Variants in CRACR2A observed in about 807,000 individuals in gnomAD.
CRACR2A encodes calcium release activated channel regulator 2A.
In CRACR2A, 79 loss-of-function variants were observed where a neutral mutation model predicts 90.5. That is an observed-to-expected ratio of 0.87 (90% CI 0.73 to 1.05). The LOEUF (loss-of-function observed/expected upper bound fraction) is 1.05. Among genes scored for constraint, CRACR2A ranks in the 50% least tolerant of loss-of-function variants. The pLI is 0.00. For synonymous variants in CRACR2A, 338 were observed against 356.7 expected (o/e 0.95, Z 0.59); for missense variants, 823 against 897.2 (o/e 0.92, Z 1.06).
intron 1 of CRACR2A, among the ~76,000 whole-genome samples, chr12:3,745,688 C>T (rs546907972): frequency 4.6e-5 from 7 of 151,650 alleles, no homozygotes; most frequent in East Asian, 3.9e-4. Context: ...GCAGGAGAAT[C>T]GCTTGAACCC....
At chr12:3,698,121 T>C (rs1013734322) in intron 3 of CRACR2A, among the ~76,000 whole-genome samples, 1 of 152,228 alleles carries the variant, frequency 6.6e-6, no homozygotes, top group Non-Finnish European at 1.5e-5. Context: ...TTATGAATTA[T>C]AAATGTTATT....
intron 14 of CRACR2A, among the ~76,000 whole-genome samples, chr12:3,634,868 A>T (rs1296542965): frequency 1.3e-5 from 2 of 152,202 alleles, no homozygotes; most frequent in Admixed American, 6.5e-5. Flanking sequence ...TTAAAAAAAA[A>T]ATAACAACCA....
rs377599532 is a variant in CRACR2A at position 3,657,813 on chromosome 12, G to A, written c.763-1407C>T. Among the ~76,000 whole-genome samples, 96 of 152,264 alleles carry A rather than the reference G, an allele frequency of 6.3e-4. 3 individuals carry two copies. The highest frequency in any genetic ancestry group is 9.7e-4 in the East Asian group (5 of 5,166). On this transcript the variant is annotated intron_variant, in intron 8 of 19. Coordinates refer to ENST00000440314, the MANE Select transcript of CRACR2A (RefSeq NM_001144958.2). ...GGCCTACAGAGCATCCTCACAATGCGCCAGGACAGGGCGTTCAGGGGGTGT... is the reference window on the plus strand; with the variant it reads ...GGCCTACAGAGCATCCTCACAATGCACCAGGACAGGGCGTTCAGGGGGTGT...
At chr12:3,650,134 C>T (rs375352568) in intron 10 of CRACR2A, among the ~76,000 whole-genome samples, 3 of 152,160 alleles carry the variant, frequency 2.0e-5, no homozygotes, top group Admixed American at 1.3e-4. Context: ...TTGATACAGG[C>T]GTCACTTTCC....
At chr12:3,653,239 C>T (rs1204772490) in intron 10 of CRACR2A, among the ~76,000 whole-genome samples, 1 of 152,138 alleles carries the variant, frequency 6.6e-6, no homozygotes. Flanking sequence ...CCTTGGCCTC[C>T]CAAAGTGCTG....
intron 11 of CRACR2A, chr12:3,648,154 C>T: frequency 9.5e-7 from 1 of 1,052,816 alleles, no homozygotes; most frequent in African/African-American, 1.7e-5. Context: ...CAGTAAATTC[C>T]TGTGAATGAA....
chr12:3,622,900 C>T (rs540420075), intron 17 of CRACR2A, among the ~76,000 whole-genome samples: 7 of 152,002 alleles, frequency 4.6e-5, no homozygotes, highest in South Asian at 2.1e-4. Flanking sequence ...CAACTTGGAA[C>T]GTGGAGAAAA....
chr12:3,678,670 GAGA>G (rs2137605774), intron 6 of CRACR2A, among the ~76,000 whole-genome samples: 1 of 152,142 alleles, frequency 6.6e-6, no homozygotes, highest in African/African-American at 2.4e-5. Flanking sequence ...GGGGGTGGGA[GAGA>G]AGGAGAATAG....
Position 3,697,017 on chromosome 12 carries a change from T to C in CRACR2A, c.-18A>G. On this transcript the variant is annotated 5_prime_UTR_variant, in exon 4 of 20. Transcript: ENST00000440314. Reference sequence around the variant, plus strand: ...GCAGCCATCGCGATTAGTCAGTTTCTTGAAGTCTTTTTCAGAACCTGAACA... The same window carrying C: ...GCAGCCATCGCGATTAGTCAGTTTCCTGAAGTCTTTTTCAGAACCTGAACA... 2 of 1,589,824 alleles carry C rather than the reference T, an allele frequency of 1.3e-6. No homozygotes were observed. Among genetic ancestry groups the C allele is most frequent in the Non-Finnish European group, 8.6e-7 (1 of 1,166,644 alleles).
rs1331610581 is a variant in CRACR2A at position 3,622,289 on chromosome 12, C to T, written c.1933-2917G>A. On this transcript the variant is annotated intron_variant, in intron 17 of 19. Coordinates refer to ENST00000440314, the MANE Select transcript of CRACR2A (RefSeq NM_001144958.2). The stretch of plus-strand genomic sequence containing the variant: ...GGTTGGAGTGAAGTCATCTTAGCTC[C>T]TTCATCAGGCACACAATCTCTCTTT... Among the ~76,000 whole-genome samples, 6 of 152,294 alleles carry T rather than the reference C, an allele frequency of 3.9e-5. No individual in the cohort carries two copies. In the East Asian group the frequency reaches 7.7e-4, roughly 20 times the overall value.
At chr12:3,638,598 C>T in intron 13 of CRACR2A, 144 bp from the exon 14 acceptor site, 1 of 914,562 alleles carries the variant, frequency 1.1e-6, no homozygotes. Context: ...GAAAAACAAA[C>T]CAGCCAGCAT....
rs1284531476 is a variant in CRACR2A, at chr12:3,615,418, G to A, written c.2133C>T (p.Asp711=). 1 of 1,551,134 alleles carries A rather than the reference G, an allele frequency of 6.4e-7. No individual in the cohort carries two copies. The highest frequency in any genetic ancestry group is 1.2e-5 in the South Asian group (1 of 84,002). Residue 711 remains aspartate (D), a synonymous_variant, in exon 20 of 20, where the codon GAC becomes GAT. Transcript: ENST00000440314. The part of the protein sequence containing the change: ...HLARFLKEQE[D]TVREDTIQVG... ...CCTGAATGGTGTCCTCTCTCACTGT[G>A]TCTTCTTGCTCCTTGAGGAACCTGG...
chr12:3,701,006 T>G (rs1384737468), intron 3 of CRACR2A, among the ~76,000 whole-genome samples: 1 of 152,198 alleles, frequency 6.6e-6, no homozygotes, highest in Admixed American at 6.5e-5. Flanking sequence ...GTACAAAGTA[T>G]GTACTCTGAC....
chr12:3,619,846 C>G (rs1944099858), intron 17 of CRACR2A, among the ~76,000 whole-genome samples: 1 of 152,216 alleles, frequency 6.6e-6, no homozygotes, highest in South Asian at 2.1e-4. Flanking sequence ...GAAACTGCAT[C>G]ACTAGAGGCC....
chr12:3,745,225 C>T (rs552717137), intron 1 of CRACR2A, among the ~76,000 whole-genome samples: 48 of 152,196 alleles, frequency 3.2e-4, no homozygotes, highest in African/African-American at 1.1e-3. Flanking sequence ...AAAAAGCTAC[C>T]GCAGGCCATG....
rs1211205549 is a variant in CRACR2A, at chr12:3,653,086, C to T, written c.1046+1126G>A. The stretch of plus-strand genomic sequence containing the variant: ...TAACCTCTGCCTCCCAGGTTCAAGC[C>T]ATTCTCCTGCCTCAGCCTCCCGAGT... On this transcript the variant is annotated intron_variant, in intron 10 of 19. Coordinates refer to ENST00000440314, the MANE Select transcript of CRACR2A (RefSeq NM_001144958.2). Among the ~76,000 whole-genome samples the T allele has an allele frequency of 2.6e-5, 4 of 152,126 alleles. No homozygotes were observed. In the South Asian group the frequency reaches 8.3e-4, roughly 32 times the overall value.
At chr12:3,699,257 A>T (rs1945794053) in intron 3 of CRACR2A, among the ~76,000 whole-genome samples, 2 of 152,198 alleles carry the variant, frequency 1.3e-5, no homozygotes. Flanking sequence ...TCCCAGAGGC[A>T]TATTCATCAT....
chr12:3,657,688 G>A (rs1004014091), intron 8 of CRACR2A, among the ~76,000 whole-genome samples: 6 of 152,210 alleles, frequency 3.9e-5, no homozygotes, highest in African/African-American at 1.2e-4. Context: ...CAGCCCCAGG[G>A]AATTTGCCTC....
intron 8 of CRACR2A, among the ~76,000 whole-genome samples, chr12:3,657,436 C>T (rs1216346203): frequency 3.3e-5 from 5 of 152,196 alleles, no homozygotes; most frequent in South Asian, 2.1e-4. Flanking sequence ...GCAGCAGCAG[C>T]GCGGTGGGGG....
Sources: allele counts gnomAD v4.1 joint callset (sites outside exome capture counted in the v4.1 genomes callset), GRCh38; gene constraint gnomAD v4.1.1; transcripts MANE v1.5; gene names NCBI Gene and HGNC (gene_info 2026-07-23, HGNC 2026-07-21).